TAPT1: variants seen among roughly 807,000 people sequenced by gnomAD.
TAPT1 encodes transmembrane anterior posterior transformation 1, also known as transmembrane anterior posterior transformation protein 1 homolog.
A neutral mutation model predicts 65.6 loss-of-function variants in TAPT1; 28 were observed. That is an observed-to-expected ratio of 0.43 (90% CI 0.32 to 0.59). TAPT1 has a LOEUF of 0.59. Ranked by LOEUF, TAPT1 falls within the 20% of genes least tolerant of loss-of-function variation. The pLI, the probability that TAPT1 is intolerant of heterozygous loss-of-function variation, is 0.09. For synonymous variants in TAPT1, 278 were observed against 245.2 expected (o/e 1.13, Z -1.25); for missense variants, 563 against 679.9 (o/e 0.83, Z 1.91).
chr4:16,207,456 C>A (rs908060295), intron 2 of TAPT1, among the ~76,000 whole-genome samples: 1 of 152,236 alleles, frequency 6.6e-6, no homozygotes, highest in Admixed American at 6.5e-5. Flanking sequence ...AACCCCACCA[C>A]GACCTTCAAA....
In TAPT1 at chr4:16,160,578, C is replaced by G. The variant is rs1324730273; in HGVS notation, c.*2730G>C. 2 of 152,142 alleles carry G rather than the reference C, an allele frequency of 1.3e-5. No homozygotes were observed. Among genetic ancestry groups the G allele is most frequent in the Non-Finnish European group, 2.9e-5 (2 of 68,036 alleles). 9.4% of individuals were successfully genotyped at this position (152,142 alleles called of 1,614,324 possible). On this transcript the variant is annotated 3_prime_UTR_variant, in exon 14 of 14. Transcript: ENST00000405303. ...ATTTGGTCAGTGGACACTCTGTGACCAGCAGACATTATTTCATCGACTTGT... is the reference window on the plus strand; with the variant it reads ...ATTTGGTCAGTGGACACTCTGTGACGAGCAGACATTATTTCATCGACTTGT...
At chr4:16,207,743 A>T (rs1341000825) in intron 2 of TAPT1, among the ~76,000 whole-genome samples, 1 of 152,234 alleles carries the variant, frequency 6.6e-6, no homozygotes, top group African/African-American at 2.4e-5. Context: ...TTTCAACAAT[A>T]ATAGTCTATG....
In TAPT1 at chr4:16,224,481, G is replaced by A. The variant is rs143913588; in HGVS notation, c.199+1778C>T. On this transcript the variant is annotated intron_variant, in intron 1 of 13. Coordinates refer to ENST00000405303, the MANE Select transcript of TAPT1 (RefSeq NM_153365.3). ...GGAGGCTCAGAGAGAACACTGGCCAGTGGCTCCAGCTGAAATACTCCTGGA... is the reference window on the plus strand; with the variant it reads ...GGAGGCTCAGAGAGAACACTGGCCAATGGCTCCAGCTGAAATACTCCTGGA... Among the ~76,000 whole-genome samples, 802 of 152,320 alleles carry A rather than the reference G, an allele frequency of 5.3e-3. 4 individuals carry two copies. Among genetic ancestry groups the A allele is most frequent in the Admixed American group, 8.8e-3 (134 of 15,300 alleles).
At chr4:16,166,986 G>GTTTTTT in intron 12 of TAPT1, 193 bp from the exon 13 acceptor site, 1 of 340,352 alleles carries the variant, frequency 2.9e-6, no homozygotes, top group South Asian at 5.3e-5. Context: ...GAATTCCTTA[G>GTTTTTT]TTCTCTTTTT....
chr4:16,209,559 A>T (rs1287912926), intron 2 of TAPT1, among the ~76,000 whole-genome samples: 1 of 152,216 alleles, frequency 6.6e-6, no homozygotes, highest in African/African-American at 2.4e-5. Flanking sequence ...TAGATTCACA[A>T]AGATGACAAA....
Position 16,162,801 on chromosome 4 carries a change from T to A in TAPT1, c.*507A>T. On this transcript the variant is annotated 3_prime_UTR_variant, in exon 14 of 14. Coordinates refer to ENST00000405303, the MANE Select transcript of TAPT1 (RefSeq NM_153365.3). ...TAAGATACATCTTTAAGGGTTATTC[T>A]GGTGGTAAGAACATTTATCTTGACT... The A allele has an allele frequency of 3.4e-6, 1 of 290,528 alleles. No homozygotes were observed. Among genetic ancestry groups the A allele is most frequent in the Non-Finnish European group, 7.1e-6 (1 of 140,276 alleles). 18.0% of individuals were successfully genotyped at this position (290,528 alleles called of 1,614,324 possible).
intron 3 of TAPT1, among the ~76,000 whole-genome samples, chr4:16,198,707 G>A (rs958811293): frequency 6.6e-6 from 1 of 152,076 alleles, no homozygotes; most frequent in African/African-American, 2.4e-5. Flanking sequence ...CATCACTACA[G>A]GCAAGACAAA....
chr4:16,162,424 C>T lies in TAPT1; in HGVS notation c.*884G>A, dbSNP rs1449269347. The T allele has an allele frequency of 6.5e-6, 1 of 152,758 alleles. No homozygotes were observed. Among genetic ancestry groups the T allele is most frequent in the African/African-American group, 2.4e-5 (1 of 41,456 alleles). 9.5% of individuals were successfully genotyped at this position (152,758 alleles called of 1,614,324 possible). ...GACAGTTTTGAATTTTGTACATTGACAATTTTTCAGCCTGTTCAACATCGA... is the reference window on the plus strand; with the variant it reads ...GACAGTTTTGAATTTTGTACATTGATAATTTTTCAGCCTGTTCAACATCGA... On this transcript the variant is annotated 3_prime_UTR_variant, in exon 14 of 14. Coordinates refer to ENST00000405303, the MANE Select transcript of TAPT1 (RefSeq NM_153365.3).
chr4:16,182,136 T>A (rs1366758901), intron 7 of TAPT1, among the ~76,000 whole-genome samples: 2 of 152,220 alleles, frequency 1.3e-5, no homozygotes, highest in Non-Finnish European at 2.9e-5. Context: ...TACATTTAAA[T>A]GTTTTACATA....
rs1323664698 is a variant in TAPT1 at position 16,170,703 on chromosome 4, A to C, written c.1263T>G (p.Ile421Met). The change falls in exon 12 of 14, where the codon ATT (isoleucine) becomes ATG (methionine). Residue 421 changes from isoleucine to methionine, a missense_variant. Around this residue, in one of 5 missense-constraint regions of TAPT1, gnomAD observed 104 missense variants for 102.5 expected, o/e 1.01. Coordinates refer to ENST00000405303, the MANE Select transcript of TAPT1 (RefSeq NM_153365.3). ...VLLIRVVTSSIKVQGILSYAC... is the reference protein window; with the variant it reads ...VLLIRVVTSSMKVQGILSYAC... ...CATAAGACAGGATTCCTTGCACTTT[A>C]ATTGAGCTTGTTACAACTCTGATGA... The C allele has an allele frequency of 3.7e-6, 6 of 1,613,776 alleles. No individual in the cohort carries two copies.
intron 4 of TAPT1, among the ~76,000 whole-genome samples, chr4:16,188,985 A>G (rs1379031765): frequency 6.6e-6 from 1 of 152,162 alleles, no homozygotes; most frequent in Non-Finnish European, 1.5e-5. Context: ...AGCACTTTAA[A>G]TTCAAACTCA....
At chr4:16,226,175 G>C (rs1478144824) in intron 1 of TAPT1, 84 bp downstream of exon 1, 9 of 1,059,016 alleles carry the variant, frequency 8.5e-6, no homozygotes, top group Non-Finnish European at 1.0e-5. Context: ...CGGCTCGGGG[G>C]CCGGGGTTCC....
intron 1 of TAPT1, chr4:16,225,818 A>C: frequency 8.9e-6 from 8 of 898,454 alleles, no homozygotes; most frequent in East Asian, 1.2e-4. Flanking sequence ...TTGCAGGGCA[A>C]GTTAACAGGT....
In TAPT1 at chr4:16,170,571, G is replaced by A. The variant is rs561759120; in HGVS notation, c.1313+82C>T. 6.2e-6 allele frequency: 6 copies of A among 970,192 alleles called. No individual in the cohort carries two copies. The East Asian group carries it at 1.5e-4, about 24-fold the overall frequency. 60.1% of individuals were successfully genotyped at this position (970,192 alleles called of 1,614,324 possible). ...CCCTGGCATAGACTGGGAGTAGTAT[G>A]ATTGGGATGCTACTAACTTCCATTA... On this transcript the variant is annotated intron_variant, in intron 12 of 13. Transcript: ENST00000405303.
At chr4:16,201,868 T>C (rs1274203272) in intron 3 of TAPT1, among the ~76,000 whole-genome samples, 1 of 152,186 alleles carries the variant, frequency 6.6e-6, no homozygotes, top group Non-Finnish European at 1.5e-5. Flanking sequence ...TGTGCACAGC[T>C]CACAAGCTAA....
At chr4:16,214,110 T>C (rs1750796529) in intron 1 of TAPT1, among the ~76,000 whole-genome samples, 1 of 152,190 alleles carries the variant, frequency 6.6e-6, no homozygotes, top group Non-Finnish European at 1.5e-5. Flanking sequence ...GCCACAGGAA[T>C]ATGGAAAGGA....
chr4:16,199,934 C>T (rs1043044112), intron 3 of TAPT1, among the ~76,000 whole-genome samples: 3 of 152,124 alleles, frequency 2.0e-5, no homozygotes, highest in Non-Finnish European at 4.4e-5. Flanking sequence ...TGTACCCCCA[C>T]GTAACAGGGG....
intron 7 of TAPT1, among the ~76,000 whole-genome samples, chr4:16,184,325 T>C (rs749604420): frequency 6.6e-6 from 1 of 152,180 alleles, no homozygotes; most frequent in Non-Finnish European, 1.5e-5. Flanking sequence ...GAGACCTACA[T>C]AGCTGACAAT....
At chr4:16,211,534 C>T (rs1440932819) in intron 2 of TAPT1, among the ~76,000 whole-genome samples, 1 of 152,130 alleles carries the variant, frequency 6.6e-6, no homozygotes, top group East Asian at 1.9e-4. Flanking sequence ...TTCTTTTGTA[C>T]ATTTAGGCTA....
Sources: gnomAD v4.1 joint callset for allele counts (sites outside exome capture counted in the v4.1 genomes callset) on GRCh38, gnomAD v4.1.1 for gene constraint, gnomAD v4.1.1 regional missense constraint, MANE v1.5 for transcripts, NCBI Gene and HGNC (gene_info 2026-07-23, HGNC 2026-07-21) for gene names.